RABGAP1L: variants seen among roughly 807,000 people sequenced by gnomAD.
RABGAP1L encodes RAB GTPase activating protein 1 like, also known as rab GTPase-activating protein 1-like.
A neutral mutation model predicts 137.7 loss-of-function variants in RABGAP1L; 63 were observed. That is an observed-to-expected ratio of 0.46 (90% confidence interval 0.37 to 0.56). The LOEUF (loss-of-function observed/expected upper bound fraction) is 0.56, where lower values mean the gene tolerates loss of function less well. Among genes scored for constraint, RABGAP1L ranks in the 20% least tolerant of loss-of-function variants. The pLI, the probability that RABGAP1L is intolerant of heterozygous loss-of-function variation, is 0.00. For synonymous variants in RABGAP1L, 431 were observed against 433.7 expected, an observed-to-expected ratio of 0.99 and a Z score of 0.08; for missense variants, 1,095 against 1,244.0, an observed-to-expected ratio of 0.88 and a Z score of 1.80.
At chr1:174,618,012 G>T (rs1672061905) in intron 13 of RABGAP1L, among the ~76,000 whole-genome samples, 1 of 152,234 alleles carries the variant, frequency 6.6e-6, no homozygotes, top group Admixed American at 6.5e-5. Flanking sequence ...GCCTGGCTTG[G>T]AGGGTCCTAT....
chr1:174,953,224 TGAAA>T (rs1454714972), intron 19 of RABGAP1L, among the ~76,000 whole-genome samples: 4 of 152,168 alleles, frequency 2.6e-5, no homozygotes, highest in East Asian at 1.9e-4. Context: ...ATATTCAGTC[TGAAA>T]GAGTCATATA....
chr1:174,929,617 G>A (rs1304012966), intron 19 of RABGAP1L, among the ~76,000 whole-genome samples: 9 of 151,740 alleles, frequency 5.9e-5, no homozygotes, highest in African/African-American at 2.2e-4. Context: ...AGTGGCATGC[G>A]CCTGTAGTCC....
intron 15 of RABGAP1L, among the ~76,000 whole-genome samples, chr1:174,696,697 C>G (rs1168091337): frequency 6.6e-6 from 1 of 152,150 alleles, no homozygotes; most frequent in Admixed American, 6.5e-5. Flanking sequence ...CCTGCTCTCT[C>G]CCTTTCCCAA....
intron 14 of RABGAP1L, among the ~76,000 whole-genome samples, chr1:174,649,816 AC>A (rs1194367404): frequency 9.9e-5 from 15 of 151,966 alleles, no homozygotes; most frequent in South Asian, 2.1e-4. Flanking sequence ...CTAACTGAAT[AC>A]CCTTTATTTC....
chr1:174,675,231 T>G (rs1276032709), intron 14 of RABGAP1L, among the ~76,000 whole-genome samples: 4 of 152,042 alleles, frequency 2.6e-5, no homozygotes, highest in Non-Finnish European at 4.4e-5. Context: ...GGTCTAACAT[T>G]TAAGTCTTTA....
intron 13 of RABGAP1L, among the ~76,000 whole-genome samples, chr1:174,565,284 G>T (rs113339672): frequency 1.3e-5 from 2 of 152,146 alleles, no homozygotes; most frequent in African/African-American, 2.4e-5. Context: ...CCTGTGTAAT[G>T]AAACGTGGCT....
At chr1:174,614,233 G>C (rs1168902989) in intron 13 of RABGAP1L, among the ~76,000 whole-genome samples, 1 of 152,128 alleles carries the variant, frequency 6.6e-6, no homozygotes, top group Non-Finnish European at 1.5e-5. Context: ...TCCTTCAGGA[G>C]CTCTTTTAGG....
chr1:174,952,738 T>G lies in RABGAP1L; in HGVS notation c.2341-4719T>G, dbSNP rs375791227. ...CCAAGTAGCTGGGTCTACAGGCATGTGCCACGATGCTCAGCTAATTTTTGT... is the reference window on the plus strand; with the variant it reads ...CCAAGTAGCTGGGTCTACAGGCATGGGCCACGATGCTCAGCTAATTTTTGT... On this transcript the variant is annotated intron_variant, in intron 19 of 25. Coordinates refer to ENST00000681986, the MANE Select transcript of RABGAP1L (RefSeq NM_001366446.1). Among the ~76,000 whole-genome samples, 17 of 152,024 alleles carry G rather than the reference T, an allele frequency of 1.1e-4. 2 individuals are homozygous for G. Among genetic ancestry groups the G allele is most frequent in the Admixed American group, 9.2e-4 (14 of 15,262 alleles).
At chr1:174,246,582 G>C (rs991774968) in intron 5 of RABGAP1L, among the ~76,000 whole-genome samples, 3 of 152,134 alleles carry the variant, frequency 2.0e-5, no homozygotes, top group Non-Finnish European at 2.9e-5. Flanking sequence ...GTCCCTAAAA[G>C]ATACAGTATA....
chr1:174,921,452 A>G (rs1031281227), intron 19 of RABGAP1L, among the ~76,000 whole-genome samples: 7 of 152,230 alleles, frequency 4.6e-5, no homozygotes, highest in South Asian at 2.1e-4. Flanking sequence ...GCTGAGACAT[A>G]TAATAAAGGT....
At chr1:174,441,276 C>A (rs1046501324) in intron 13 of RABGAP1L, among the ~76,000 whole-genome samples, 1 of 151,660 alleles carries the variant, frequency 6.6e-6, no homozygotes, top group South Asian at 2.1e-4. Flanking sequence ...CTAATGACCC[C>A]GAAAATGAAG....
chr1:174,542,029 A>C (rs1043550744), intron 13 of RABGAP1L, among the ~76,000 whole-genome samples: 2 of 152,230 alleles, frequency 1.3e-5, no homozygotes, highest in African/African-American at 4.8e-5. Flanking sequence ...ATCAATGTTC[A>C]TCAGGGATAT....
chr1:174,201,331 G>C (rs573366805), intron 1 of RABGAP1L, among the ~76,000 whole-genome samples: 3 of 151,272 alleles, frequency 2.0e-5, no homozygotes, highest in African/African-American at 7.3e-5. Context: ...CGAGTAGCTG[G>C]GATTACAGGC....
chr1:174,752,190 A>G, intron 17 of RABGAP1L, 123 bp from the exon 18 acceptor site: 1 of 753,612 alleles, frequency 1.3e-6, no homozygotes, highest in Non-Finnish European at 2.1e-6. Context: ...TCATGGTTTA[A>G]TTATTGTTTG....
chr1:174,465,427 T>C (rs1657182504), intron 13 of RABGAP1L, among the ~76,000 whole-genome samples: 1 of 151,866 alleles, frequency 6.6e-6, no homozygotes, highest in South Asian at 2.1e-4. Flanking sequence ...TTCGAACTGC[T>C]GACCTCAGGC....
intron 13 of RABGAP1L, among the ~76,000 whole-genome samples, chr1:174,538,584 T>G (rs531701028): frequency 6.6e-6 from 1 of 152,204 alleles, no homozygotes; most frequent in Non-Finnish European, 1.5e-5. Context: ...TCTTGACATT[T>G]AATTTTTCTA....
chr1:174,852,455 C>T (rs1461818923), intron 19 of RABGAP1L, among the ~76,000 whole-genome samples: 3 of 152,136 alleles, frequency 2.0e-5, no homozygotes, highest in Non-Finnish European at 2.9e-5. Context: ...TGTTGTAAGC[C>T]TGCTGAGGTC....
intron 19 of RABGAP1L, among the ~76,000 whole-genome samples, chr1:174,931,889 G>A (rs986636253): frequency 6.7e-6 from 1 of 149,454 alleles, no homozygotes; most frequent in Non-Finnish European, 1.5e-5. Flanking sequence ...AGAAGACATT[G>A]TTTGCCTTCC....
chr1:174,864,534 C>T (rs1650872435), intron 19 of RABGAP1L, among the ~76,000 whole-genome samples: 1 of 152,120 alleles, frequency 6.6e-6, no homozygotes, highest in East Asian at 1.9e-4. Context: ...AGAATGCGAG[C>T]AAAATGGGGA....
Sources: allele counts gnomAD v4.1 joint callset (sites outside exome capture counted in the v4.1 genomes callset), GRCh38; gene constraint gnomAD v4.1.1; transcripts MANE v1.5; gene names NCBI Gene and HGNC (gene_info 2026-07-23, HGNC 2026-07-21).